PCDH11X: variants seen among roughly 807,000 people sequenced by gnomAD.
PCDH11X encodes protocadherin 11 X-linked.
Under a neutral mutation model 53.3 loss-of-function variants are expected in PCDH11X, and 18 were observed. The observed-to-expected ratio is 0.34, with a 90% CI of 0.23 to 0.50. PCDH11X has a LOEUF of 0.50. Among genes scored for constraint, PCDH11X ranks in the 20% least tolerant of loss-of-function variants. PCDH11X has a pLI of 0.98. For synonymous variants in PCDH11X, 279 were observed against 393.3 expected, an observed-to-expected ratio of 0.71 and a Z score of 3.44; for missense variants, 570 against 1,032.4, an observed-to-expected ratio of 0.55 and a Z score of 6.14.
intron 6 of PCDH11X, among the ~76,000 whole-genome samples, chrX:91,905,707 T>C: frequency 8.9e-6 from 1 of 111,815 alleles, no homozygotes; most frequent in South Asian, 3.7e-4. Flanking sequence ...TTTGTGGTTT[T>C]TTTCCTCTGT....
chrX:91,998,723 C>A (rs191625225), intron 6 of PCDH11X, among the ~76,000 whole-genome samples: 1,484 of 109,969 alleles, frequency 0.013, 24 homozygotes, highest in African/African-American at 0.047. Context: ...ATTTAATTGT[C>A]CTTTTATGTA....
chrX:92,129,049 T>C (rs1023612751), intron 6 of PCDH11X, among the ~76,000 whole-genome samples: 3 of 110,743 alleles, frequency 2.7e-5, no homozygotes, highest in Non-Finnish European at 5.6e-5. Flanking sequence ...ATACCATAAA[T>C]AGTGTATATT....
rs375373167 is a variant in PCDH11X at position 91,860,867 on chromosome X, G to C, written c.541-15914G>C. ...ATTTGCTGCTGGATTCAGTTTGCCA[G>C]TATTTTATTCGGGATTTTTGTATTG... On this transcript the variant is annotated intron_variant, in intron 5 of 10. Coordinates refer to ENST00000682573, the MANE Select transcript of PCDH11X (RefSeq NM_032968.5). Among the ~76,000 whole-genome samples the C allele has an allele frequency of 1.1e-4, 12 of 112,012 alleles. No homozygotes were observed. In the East Asian group the frequency reaches 2.8e-3, roughly 26 times the overall value.
chrX:92,434,227 T>C (rs1160388636), intron 9 of PCDH11X, among the ~76,000 whole-genome samples: 1 of 109,852 alleles, frequency 9.1e-6, no homozygotes, highest in Non-Finnish European at 1.9e-5. Context: ...TTTACCCATA[T>C]GCTGTTTAAC....
intron 8 of PCDH11X, among the ~76,000 whole-genome samples, chrX:92,317,328 A>T (rs1307771505): frequency 1.8e-5 from 2 of 110,724 alleles, no homozygotes; most frequent in East Asian, 5.7e-4. Context: ...TTTCTTCATT[A>T]TTCTACCAGT....
At chrX:92,216,388 A>G (rs1296033499) in intron 7 of PCDH11X, among the ~76,000 whole-genome samples, 19 of 104,765 alleles carry the variant, frequency 1.8e-4, no homozygotes, top group South Asian at 9.3e-4. Flanking sequence ...CCAAGGCTCG[A>G]GAACTATGTG....
intron 6 of PCDH11X, among the ~76,000 whole-genome samples, chrX:92,025,889 C>A (rs915200652): frequency 9.2e-6 from 1 of 108,946 alleles, no homozygotes; most frequent in African/African-American, 3.3e-5. Context: ...AAAGAAGGAG[C>A]TCATGCAGGA....
intron 10 of PCDH11X, among the ~76,000 whole-genome samples, chrX:92,496,368 C>G (rs5942261): frequency 9.7e-6 from 1 of 102,686 alleles, no homozygotes. Flanking sequence ...AATAATTATG[C>G]AAGGAAAAAT....
chrX:91,829,340 C>G (rs990564987), intron 4 of PCDH11X, among the ~76,000 whole-genome samples: 1 of 107,921 alleles, frequency 9.3e-6, no homozygotes, highest in Non-Finnish European at 1.9e-5. Flanking sequence ...AATGGAAGTA[C>G]TACTTATCCT....
In PCDH11X at chrX:92,619,026, G is replaced by T. The variant is rs1928298079; in HGVS notation, c.*86G>T. The T allele has an allele frequency of 3.6e-5, 35 of 981,768 alleles. No homozygotes were observed. The highest frequency in any genetic ancestry group is 4.7e-5 in the Non-Finnish European group (33 of 702,212). The allele number at this position is 981,768 out of a possible 1,213,427, so 80.9% of individuals were successfully genotyped here. ...ATTCCAATGAGTATTCTGATTATCA[G>T]ATTTGTAAATAACTATGTAAATAGA... On this transcript the variant is annotated 3_prime_UTR_variant, in exon 11 of 11. Coordinates refer to ENST00000682573, the MANE Select transcript of PCDH11X (RefSeq NM_032968.5).
intron 1 of PCDH11X, among the ~76,000 whole-genome samples, chrX:91,787,930 G>A (rs906853758): frequency 1.6e-4 from 18 of 111,367 alleles, no homozygotes; most frequent in African/African-American, 5.6e-4. Context: ...ACCAAGTATA[G>A]TGCAGGTTTT....
At chrX:92,267,746 T>G (rs758001025) in intron 8 of PCDH11X, among the ~76,000 whole-genome samples, 1 of 112,460 alleles carries the variant, frequency 8.9e-6, no homozygotes. Flanking sequence ...GACTGTGTAA[T>G]TTATAAACTA....
At chrX:92,039,683 C>T (rs2063181815) in intron 6 of PCDH11X, among the ~76,000 whole-genome samples, 1 of 112,030 alleles carries the variant, frequency 8.9e-6, no homozygotes, top group African/African-American at 3.2e-5. Context: ...TTAGGGACCC[C>T]AAGAACCTGC....
chrX:92,478,002 G>C (rs1169803690), intron 10 of PCDH11X, among the ~76,000 whole-genome samples: 3 of 109,313 alleles, frequency 2.7e-5, no homozygotes, highest in Admixed American at 2.0e-4. Context: ...AGGGAAGGAG[G>C]TGATTGGATC....
At chrX:92,456,739 T>C (rs1843557825) in intron 9 of PCDH11X, among the ~76,000 whole-genome samples, 2 of 111,593 alleles carry the variant, frequency 1.8e-5, no homozygotes, top group Admixed American at 1.9e-4. Flanking sequence ...TTTTATTTAA[T>C]TCTGTTTGAA....
intron 1 of PCDH11X, among the ~76,000 whole-genome samples, chrX:91,797,026 T>G (rs1315885932): frequency 2.7e-5 from 3 of 111,961 alleles, no homozygotes; most frequent in Non-Finnish European, 3.8e-5. Context: ...TTTCAATTTC[T>G]TTTTAGATAA....
In PCDH11X at chrX:91,877,000, A is replaced by G; in HGVS notation, c.760A>G (p.Ile254Val). The change falls in exon 6 of 11, where the codon ATT (isoleucine) becomes GTT (valine). Residue 254 changes from isoleucine to valine, a missense_variant. This residue lies in a region of PCDH11X where 15 missense variants were observed against 28.4 expected (regional missense o/e 0.53). Transcript: ENST00000682573. ...DNHPVFKETE[I>V]EVSIPENAPV... ...CCACCCAGTCTTTAAGGAGACAGAG[A>G]TTGAAGTCAGTATACCAGAAAATGC... is the stretch of plus-strand genomic sequence containing the variant. The G allele has an allele frequency of 8.3e-7, 1 of 1,209,200 alleles. No individual in the cohort carries two copies. Among genetic ancestry groups the G allele is most frequent in the Non-Finnish European group, 1.1e-6 (1 of 894,804 alleles).
chrX:92,341,864 G>A (rs1431443556), intron 8 of PCDH11X, among the ~76,000 whole-genome samples: 2 of 111,920 alleles, frequency 1.8e-5, no homozygotes, highest in Admixed American at 1.9e-4. Context: ...AAGAGATTCT[G>A]CATAACAAAA....
chrX:92,505,152 C>CTTTTTTTTTTTTTT, intron 10 of PCDH11X, among the ~76,000 whole-genome samples: 186 of 64,104 alleles, frequency 2.9e-3, no homozygotes, highest in African/African-American at 3.5e-3. Context: ...TTTCTTTTTT[C>CTTTTTTTTTTTTTT]TTTTTTTTTT....
Sources: allele counts gnomAD v4.1 joint callset (sites outside exome capture counted in the v4.1 genomes callset), GRCh38; gene constraint gnomAD v4.1.1; regional missense constraint gnomAD v4.1.1; transcripts MANE v1.5; gene names NCBI Gene and HGNC (gene_info 2026-07-23, HGNC 2026-07-21).